Variants in PLAAT4 observed in about 807,000 individuals in gnomAD.
PLAAT4 encodes HRAS-like suppressor 4.
In PLAAT4, 12 loss-of-function variants were observed where a neutral mutation model predicts 14.1. The ratio of observed to expected loss-of-function variants is 0.85; its 90% CI spans 0.54 to 1.37. The LOEUF (loss-of-function observed/expected upper bound fraction) is 1.37. Ranked by LOEUF, PLAAT4 falls within the 40% of genes most tolerant of loss-of-function variation. The pLI is 0.00. For synonymous variants in PLAAT4, 77 were observed against 79.8 expected (o/e 0.96, Z 0.19); for missense variants, 163 against 211.7 (o/e 0.77, Z 1.43).
chr11:63,545,110 G>C (rs1354491287), intron 3 of PLAAT4: 1 of 632,668 alleles, frequency 1.6e-6, no homozygotes. Context: ...AGAGGAGGGG[G>C]TGGATGGAGG....
intron 2 of PLAAT4, among the ~76,000 whole-genome samples, chr11:63,541,602 G>C (rs1041404538): frequency 2.6e-4 from 38 of 145,798 alleles, no homozygotes; most frequent in African/African-American, 9.7e-4. Context: ...TGTGATTACA[G>C]CTCACTGCAG....
Position 63,544,907 on chromosome 11 carries a change from T to C in PLAAT4, c.387+18T>C, listed in dbSNP as rs1181875119. ...GTAAACAGGTAAGGACCTCTCTGGA[T>C]AATCCATCTCCCTCTGCTTGGGGCT... On this transcript the variant is annotated intron_variant, in intron 3 of 3. Transcript: ENST00000255688. The C allele has an allele frequency of 6.2e-7, 1 of 1,614,194 alleles. No homozygotes were observed. Among genetic ancestry groups the C allele is most frequent in the East Asian group, 2.2e-5 (1 of 44,884 alleles).
Position 63,538,397 on chromosome 11 carries a change from T to C in PLAAT4, c.10-1119T>C. ...GTTGTGGGGGTCACAGAGGCAGGCA[T>C]GGGGCTGCCTGAACCAAGTCAGTGG... is the stretch of plus-strand genomic sequence containing the variant. On this transcript the variant is annotated intron_variant, in intron 1 of 3. Coordinates refer to ENST00000255688, the MANE Select transcript of PLAAT4 (RefSeq NM_004585.5). The C allele has an allele frequency of 7.9e-6, 3 of 378,508 alleles. 1 individual carries two copies. The highest frequency in any genetic ancestry group is 5.7e-5 in the South Asian group (3 of 53,062). 23.4% of individuals were successfully genotyped at this position (378,508 alleles called of 1,614,324 possible).
intron 2 of PLAAT4, among the ~76,000 whole-genome samples, chr11:63,541,628 T>G (rs75745469): frequency 6.6e-6 from 1 of 151,490 alleles, no homozygotes; most frequent in East Asian, 1.9e-4. Flanking sequence ...TTTTTTTTTT[T>G]GCATAAACAT....
chr11:63,544,059 A>G (rs1044274326), intron 2 of PLAAT4, among the ~76,000 whole-genome samples: 1 of 152,246 alleles, frequency 6.6e-6, no homozygotes, highest in Non-Finnish European at 1.5e-5. Flanking sequence ...ACAGCACAGC[A>G]TGGTAACTGA....
chr11:63,539,238 G>C (rs1224298378), intron 1 of PLAAT4, among the ~76,000 whole-genome samples: 1 of 152,108 alleles, frequency 6.6e-6, no homozygotes, highest in Non-Finnish European at 1.5e-5. Context: ...ACACACATCT[G>C]CATCCTCAGC....
intron 1 of PLAAT4, among the ~76,000 whole-genome samples, 195 bp downstream of exon 1, chr11:63,537,072 C>T (rs1195802204): frequency 6.6e-6 from 1 of 152,146 alleles, no homozygotes; most frequent in Non-Finnish European, 1.5e-5. Context: ...GGGCAGAGTC[C>T]ACCTCCTCTG....
intron 2 of PLAAT4, among the ~76,000 whole-genome samples, chr11:63,541,611 A>G (rs1590663892): frequency 1.4e-5 from 2 of 141,310 alleles, no homozygotes; most frequent in South Asian, 4.4e-4. Flanking sequence ...AGCTCACTGC[A>G]GTCTTTTTTT....
chr11:63,539,958 T>C (rs757311960), intron 2 of PLAAT4, among the ~76,000 whole-genome samples: 40 of 152,066 alleles, frequency 2.6e-4, no homozygotes, highest in Non-Finnish European at 4.9e-4. Context: ...CAAAACTTGA[T>C]CTCAAAAAAT....
intron 1 of PLAAT4, chr11:63,538,381 G>A (rs1240804444): frequency 1.8e-5 from 7 of 384,084 alleles, no homozygotes; most frequent in South Asian, 1.3e-4. Flanking sequence ...GGTTGTGGGG[G>A]TCACAGAGGC....
chr11:63,537,438 G>C (rs949367553), intron 1 of PLAAT4, among the ~76,000 whole-genome samples: 1 of 152,156 alleles, frequency 6.6e-6, no homozygotes, highest in African/African-American at 2.4e-5. Flanking sequence ...TCGGTGGTGT[G>C]TGACTAAAAA....
Position 63,546,172 on chromosome 11 carries a change from C to T in PLAAT4, c.411C>T (p.Val137=), listed in dbSNP as rs584905. 26 of 1,586,434 alleles carry T rather than the reference C, an allele frequency of 1.6e-5. No homozygotes were observed. In the Admixed American group the frequency reaches 2.5e-4, roughly 15 times the overall value. ...AGGTGGAAAAGGCCAAGGTTGAAGT[C>T]GGTGTGGCCACGGCGCTTGGAATCC... ...CKQVEKAKVE[V]GVATALGILV... The change falls in exon 4 of 4, where the codon GTC becomes GTT. Residue 137 remains valine, a synonymous_variant. Coordinates refer to ENST00000255688, the MANE Select transcript of PLAAT4 (RefSeq NM_004585.5).
rs570763509 is a variant in PLAAT4 at position 63,543,059 on chromosome 11, G to A, written c.119-1562G>A. 2.6e-5 allele frequency among the ~76,000 whole-genome samples: 4 copies of A among 152,322 alleles called. No homozygotes were observed. In the East Asian group the frequency reaches 7.7e-4, roughly 29 times the overall value. On this transcript the variant is annotated intron_variant, in intron 2 of 3. Coordinates refer to ENST00000255688, the MANE Select transcript of PLAAT4 (RefSeq NM_004585.5). Reference sequence around the variant, plus strand: ...CTTAACCACGGTAGAAGTTATGTTTGTTGATGTTCACTCATCTATACCCTC... The same window carrying A: ...CTTAACCACGGTAGAAGTTATGTTTATTGATGTTCACTCATCTATACCCTC...
chr11:63,538,038 G>A (rs1221233696), intron 1 of PLAAT4, among the ~76,000 whole-genome samples: 3 of 152,224 alleles, frequency 2.0e-5, no homozygotes, highest in African/African-American at 7.2e-5. Context: ...AGCTTCTCAG[G>A]TGAGGGGGTT....
At chr11:63,545,206 C>A (rs931939740) in intron 3 of PLAAT4, 6 of 578,008 alleles carry the variant, frequency 1.0e-5, no homozygotes, top group Admixed American at 6.0e-5. Context: ...TGGGCCAACC[C>A]AGGACAATGA....
At chr11:63,539,359 G>C (rs1440413027) in intron 1 of PLAAT4, among the ~76,000 whole-genome samples, 157 bp from the exon 2 acceptor site, 1 of 152,214 alleles carries the variant, frequency 6.6e-6, no homozygotes, top group Non-Finnish European at 1.5e-5. Context: ...CCACTGAGAA[G>C]AGCCTCTGAA....
rs555743525 is a variant in PLAAT4, at chr11:63,546,358, C to T, written c.*102C>T. 4.4e-5 allele frequency: 44 copies of T among 993,876 alleles called. No homozygotes were observed. Among genetic ancestry groups the T allele is most frequent in the Admixed American group, 2.8e-4 (15 of 52,724 alleles). 61.6% of individuals were successfully genotyped at this position (993,876 alleles called of 1,614,324 possible). On this transcript the variant is annotated 3_prime_UTR_variant, in exon 4 of 4. Transcript: ENST00000255688. ...CCTGACCCTCGTGCCCTGTCTCAGG[C>T]GTTCTCTAGATCCTTTCCTCTGTTT...
Position 63,546,148 on chromosome 11 carries a change from G to A in PLAAT4, c.388-1G>A, listed in dbSNP as rs746123773. On this transcript the variant is annotated splice_acceptor_variant, in intron 3 of 3. Coordinates refer to ENST00000255688, the MANE Select transcript of PLAAT4 (RefSeq NM_004585.5). LOFTEE classifies it high-confidence loss of function. The stretch of plus-strand genomic sequence containing the variant: ...CTCAACAAAAGCTGCTTGCTTTGCA[G>A]GTGGAAAAGGCCAAGGTTGAAGTCG... 1.9e-6 allele frequency: 3 copies of A among 1,613,632 alleles called. No individual in the cohort carries two copies. The highest frequency in any genetic ancestry group is 2.5e-6 in the Non-Finnish European group (3 of 1,179,596).
intron 2 of PLAAT4, among the ~76,000 whole-genome samples, chr11:63,543,229 G>A (rs543616261): frequency 3.9e-5 from 6 of 152,268 alleles, no homozygotes; most frequent in Non-Finnish European, 7.4e-5. Flanking sequence ...GTTAGGAATC[G>A]GGCCACACAA....
Sources: allele counts gnomAD v4.1 joint callset (sites outside exome capture counted in the v4.1 genomes callset), GRCh38; gene constraint gnomAD v4.1.1; transcripts MANE v1.5; gene names NCBI Gene and HGNC (gene_info 2026-07-23, HGNC 2026-07-21).